TBC1D16: variants seen among roughly 807,000 people sequenced by gnomAD.
The protein encoded by TBC1D16 is CTD-2529O21.1.
In TBC1D16, 58 loss-of-function variants were observed where a neutral mutation model predicts 74.7. The observed-to-expected ratio is 0.78, with a 90% CI of 0.63 to 0.97. The LOEUF is 0.97. Among genes scored for constraint, TBC1D16 ranks in the 50% least tolerant of loss-of-function variants. The pLI, the probability that TBC1D16 is intolerant of heterozygous loss-of-function variation, is 0.00. For missense variants in TBC1D16, 1,014 were observed against 1,079.5 expected, an observed-to-expected ratio of 0.94 and a Z score of 0.85; for synonymous variants, 493 against 474.7, an observed-to-expected ratio of 1.04 and a Z score of -0.50.
At chr17:80,017,149 G>C (rs1189969647) in intron 1 of TBC1D16, among the ~76,000 whole-genome samples, 1 of 152,086 alleles carries the variant, frequency 6.6e-6, no homozygotes, top group African/African-American at 2.4e-5. Context: ...CCTTGGTGCA[G>C]GGGTCAGCAA....
At chr17:79,999,032 G>A (rs1003182383) in intron 3 of TBC1D16, among the ~76,000 whole-genome samples, 2 of 152,136 alleles carry the variant, frequency 1.3e-5, no homozygotes, top group African/African-American at 4.8e-5. Context: ...GAGGCGGGGG[G>A]ATTACCTGAG....
At chr17:80,029,985 G>A (rs751595259) in intron 1 of TBC1D16, among the ~76,000 whole-genome samples, 1 of 151,934 alleles carries the variant, frequency 6.6e-6, no homozygotes, top group African/African-American at 2.4e-5. Flanking sequence ...GTGGCCGATC[G>A]AGTCCTTCTC....
chr17:79,967,626 G>A (rs1027755607), intron 3 of TBC1D16, among the ~76,000 whole-genome samples: 8 of 152,122 alleles, frequency 5.3e-5, no homozygotes, highest in African/African-American at 1.2e-4. Flanking sequence ...GGCATCCCAC[G>A]TTCATGGATT....
chr17:79,947,968 C>T (rs2032699644), intron 8 of TBC1D16, 137 bp from the exon 9 acceptor site: 1 of 703,952 alleles, frequency 1.4e-6, no homozygotes, highest in South Asian at 1.9e-5. Context: ...GTGCCACCAT[C>T]TCAGAGCCCA....
At chr17:80,034,661 T>C (rs1442925365) in intron 1 of TBC1D16, among the ~76,000 whole-genome samples, 4 of 152,246 alleles carry the variant, frequency 2.6e-5, no homozygotes, top group African/African-American at 7.2e-5. Flanking sequence ...CTTTATTCTT[T>C]ATTTACAAAA....
intron 1 of TBC1D16, among the ~76,000 whole-genome samples, chr17:80,025,026 G>T (rs1304626996): frequency 2.6e-4 from 1 of 3,820 alleles, no homozygotes; most frequent in Non-Finnish European, 7.1e-4. Context: ...ACACACCACA[G>T]ATGCACACAT....
chr17:80,023,566 G>A (rs1256481044), intron 1 of TBC1D16, among the ~76,000 whole-genome samples: 3 of 149,966 alleles, frequency 2.0e-5, no homozygotes, highest in Non-Finnish European at 4.4e-5. Context: ...CACTTAGAGC[G>A]CACAGCCCAC....
rs1474639997 is a variant in TBC1D16 at position 79,971,555 on chromosome 17, T to C, written c.780-18737A>G. Among the ~76,000 whole-genome samples, 1 of 152,198 alleles carries C rather than the reference T, an allele frequency of 6.6e-6. No homozygotes were observed. Among genetic ancestry groups the C allele is most frequent in the Non-Finnish European group, 1.5e-5 (1 of 68,022 alleles). ...ACACACACTTGAAGGTATCTTCCCA[T>C]GTTGCTGGTAGACACCATTTTGGAA... On this transcript the variant is annotated intron_variant, in intron 3 of 11. Coordinates refer to ENST00000310924, the MANE Select transcript of TBC1D16 (RefSeq NM_019020.4). This position sits in a 1 kb window ranked among gnomAD's most constrained non-coding sequence, Gnocchi z 4.6.
rs368601528 is a variant in TBC1D16, at chr17:79,940,891, T to C, written c.2272A>G (p.Thr758Ala). ...SLREGKKGPK[T>A]PQDGFGFRR Reference sequence around the variant, plus strand: ...CGGAAGCCGAAGCCGTCCTGCGGCGTCTTTGGGCCCTTCTTGCCTTCCCTC... The same window carrying C: ...CGGAAGCCGAAGCCGTCCTGCGGCGCCTTTGGGCCCTTCTTGCCTTCCCTC... Residue 758 changes from threonine to alanine, a missense_variant, in exon 12 of 12, where the codon ACG becomes GCG. Physicochemically the swap from Thr to Ala is moderately conservative, Grantham distance 58. Coordinates refer to ENST00000310924, the MANE Select transcript of TBC1D16 (RefSeq NM_019020.4). This position sits in a 1 kb window ranked among gnomAD's most constrained non-coding sequence, Gnocchi z 5.4. 15 of 1,573,996 alleles carry C rather than the reference T, an allele frequency of 9.5e-6. No homozygotes were observed. The African/African-American group carries it at 1.8e-4, about 18-fold the overall frequency.
chr17:79,965,501 A>T (rs1275251514), intron 3 of TBC1D16, among the ~76,000 whole-genome samples: 2 of 152,224 alleles, frequency 1.3e-5, no homozygotes, highest in Non-Finnish European at 2.9e-5. Context: ...GCTACCATTT[A>T]TTGGAGCTTC....
At chr17:80,015,450 T>TA (rs947676778) in intron 1 of TBC1D16, among the ~76,000 whole-genome samples, 4 of 149,992 alleles carry the variant, frequency 2.7e-5, no homozygotes, top group Non-Finnish European at 4.5e-5. Flanking sequence ...ATAAAATAAA[T>TA]AAAAAAAATA....
rs1396578977 is a variant in TBC1D16 at position 79,975,361 on chromosome 17, T to G, written c.780-22543A>C. ...CGACTGGAATTTCTGCCAGGTCCTA[T>G]TCACACCCTTGGCCCCAGCTGGCTG... On this transcript the variant is annotated intron_variant, in intron 3 of 11. Coordinates refer to ENST00000310924, the MANE Select transcript of TBC1D16 (RefSeq NM_019020.4). The surrounding 1 kb of genome is among the most constrained non-coding windows in gnomAD (Gnocchi z 4.5). Among the ~76,000 whole-genome samples, 1 of 152,194 alleles carries G rather than the reference T, an allele frequency of 6.6e-6. No individual in the cohort carries two copies. The highest frequency in any genetic ancestry group is 1.5e-5 in the Non-Finnish European group (1 of 68,030).
chr17:79,945,138 C>A, intron 9 of TBC1D16, 51 bp from the exon 10 acceptor site: 1 of 1,500,044 alleles, frequency 6.7e-7, no homozygotes. Flanking sequence ...ATGCGGCCTG[C>A]TGCCCAGGAA....
At position 79,994,485 on chromosome 17, in the gene TBC1D16, G is replaced by A. The variant is rs765792444; in HGVS notation, c.779+15675C>T. On this transcript the variant is annotated intron_variant, in intron 3 of 11. Transcript: ENST00000310924. This position sits in a 1 kb window ranked among gnomAD's most constrained non-coding sequence, Gnocchi z 4.6. ...GTCCCCCAGGCTGGAGTGCAATGGC[G>A]TGATCACAGCTCACTGCAACCTCTG... Among the ~76,000 whole-genome samples, 9 of 152,294 alleles carry A rather than the reference G, an allele frequency of 5.9e-5. No homozygotes were observed. The highest frequency in any genetic ancestry group is 8.8e-5 in the Non-Finnish European group (6 of 68,026).
chr17:79,953,930 C>T (rs2143774074), intron 3 of TBC1D16, among the ~76,000 whole-genome samples: 2 of 152,188 alleles, frequency 1.3e-5, no homozygotes, highest in South Asian at 4.2e-4. Context: ...ACCACCATGA[C>T]CAGCTAATTC....
chr17:80,024,973 G>A (rs72634317), intron 1 of TBC1D16, among the ~76,000 whole-genome samples: 131,132 of 134,426 alleles, frequency 0.98, 64,025 homozygotes, highest in Non-Finnish European at 0.98. Flanking sequence ...ACACAACCCC[G>A]TAGGCACACA....
chr17:80,024,585 C>CCACACACCATAGGCA (rs1555885893), intron 1 of TBC1D16, among the ~76,000 whole-genome samples: 120 of 103,670 alleles, frequency 1.2e-3, no homozygotes, highest in African/African-American at 3.4e-3. Flanking sequence ...GGCACACACA[C>CCACACACCATAGGCA]CACACACCAC....
chr17:79,945,739 G>A (rs1164586166), intron 9 of TBC1D16, among the ~76,000 whole-genome samples: 3 of 152,342 alleles, frequency 2.0e-5, no homozygotes, highest in Admixed American at 6.5e-5. Context: ...GGCGAATGGC[G>A]TTGGACACTG....
Position 79,942,221 on chromosome 17 carries a change from A to G in TBC1D16, c.1909-15T>C. ...AAGTAGTCCGTCTGTGGAGGCGGGT[A>G]GAGTTCAGACACGGGCTCTGACCGA... On this transcript the variant is annotated splice_polypyrimidine_tract_variant and intron_variant, in intron 10 of 11. Transcript: ENST00000310924. 1 of 1,577,920 alleles carries G rather than the reference A, an allele frequency of 6.3e-7. No homozygotes were observed. Among genetic ancestry groups the G allele is most frequent in the African/African-American group, 1.3e-5 (1 of 74,202 alleles).
Sources: allele counts gnomAD v4.1 joint callset (sites outside exome capture counted in the v4.1 genomes callset), GRCh38; gene constraint gnomAD v4.1.1; non-coding constraint Gnocchi (gnomAD v3.1); transcripts MANE v1.5; gene names NCBI Gene and HGNC (gene_info 2026-07-23, HGNC 2026-07-21).